Variants in PDP2 observed in about 807,000 individuals in gnomAD.
The protein encoded by PDP2 is [Pyruvate dehydrogenase [acetyl-transferring]]-phosphatase 2, mitochondrial.
A neutral mutation model predicts 34.2 loss-of-function variants in PDP2; 23 were observed. The ratio of observed to expected loss-of-function variants is 0.67; its 90% CI spans 0.48 to 0.95. The LOEUF is 0.95. PDP2 is among the 40% of genes least tolerant of loss of function. PDP2 has a pLI of 0.00. For missense variants in PDP2, 571 were observed against 659.6 expected, an observed-to-expected ratio of 0.87 and a Z score of 1.47; for synonymous variants, 275 against 269.2, an observed-to-expected ratio of 1.02 and a Z score of -0.21.
rs1243019928 is a variant in PDP2 at position 66,886,573 on chromosome 16, G to C, written c.*699G>C. ...TGATAGGATCTATGCCTCTGGACCA[G>C]CTGAACTTACTGGTGCAGCTTTTTG... On this transcript the variant is annotated 3_prime_UTR_variant, in exon 2 of 2. Coordinates refer to ENST00000311765, the MANE Select transcript of PDP2 (RefSeq NM_020786.4). 4.3e-6 allele frequency: 2 copies of C among 467,550 alleles called. No homozygotes were observed. Among genetic ancestry groups the C allele is most frequent in the African/African-American group, 4.0e-5 (2 of 50,044 alleles). 29.0% of individuals were successfully genotyped at this position (467,550 alleles called of 1,614,324 possible).
rs771021122 is a variant in PDP2, at chr16:66,888,418, A to G, written c.*2544A>G. ...TGTAAATCACTTCCATTCTGCTAGC[A>G]TGAGGGTTTGTTGCTAAAATTGAGG... On this transcript the variant is annotated 3_prime_UTR_variant, in exon 2 of 2. Transcript: ENST00000311765. 3 of 152,104 alleles carry G rather than the reference A, an allele frequency of 2.0e-5. No individual in the cohort carries two copies. Among genetic ancestry groups the G allele is most frequent in the African/African-American group, 7.2e-5 (3 of 41,416 alleles). 9.4% of individuals were successfully genotyped at this position (152,104 alleles called of 1,614,324 possible).
Position 66,888,466 on chromosome 16 carries a change from T to C in PDP2, c.*2592T>C, listed in dbSNP as rs1275503797. 1.3e-5 allele frequency: 2 copies of C among 152,158 alleles called. No individual in the cohort carries two copies. Among genetic ancestry groups the C allele is most frequent in the Non-Finnish European group, 1.5e-5 (1 of 68,030 alleles). The allele number at this position is 152,158 out of a possible 1,614,324, so 9.4% of individuals were successfully genotyped here. On this transcript the variant is annotated 3_prime_UTR_variant, in exon 2 of 2. Transcript: ENST00000311765. ...AGGATTCTATCTGACGTTTACTTTT[T>C]GTTGTTTTTTGAGACAAGGTCTTGC...
chr16:66,885,392 A>C lies in PDP2; in HGVS notation c.1108A>C (p.Thr370Pro). ...QRSILERGFN[T>P]EALNIYQFTP... Reference sequence around the variant, plus strand: ...CAGCATTCTGGAGAGGGGCTTCAATACCGAGGCCCTCAACATTTACCAGTT... The same window carrying C: ...CAGCATTCTGGAGAGGGGCTTCAATCCCGAGGCCCTCAACATTTACCAGTT... The change falls in exon 2 of 2, where the codon ACC (threonine) becomes CCC (proline). Residue 370 changes from threonine to proline, a missense_variant. This residue lies in a region of PDP2 where 281 missense variants were observed against 375.8 expected (regional missense o/e 0.75). Coordinates refer to ENST00000311765, the MANE Select transcript of PDP2 (RefSeq NM_020786.4). The surrounding 1 kb of genome is among the most constrained non-coding windows in gnomAD (Gnocchi z 4.6). The C allele has an allele frequency of 6.2e-7, 1 of 1,613,910 alleles. No homozygotes were observed. Among genetic ancestry groups the C allele is most frequent in the Non-Finnish European group, 8.5e-7 (1 of 1,180,008 alleles).
rs575688634 is a variant in PDP2, at chr16:66,884,173, CAAAAAAAAAA to C, written c.-54-47_-54-38del. On this transcript the variant is annotated intron_variant, in intron 1 of 1. Transcript: ENST00000311765. The stretch of plus-strand genomic sequence containing the variant: ...TGGGCGGCAGAGCGAGACTACGTCT[CAAAAAAAAAA>C]AAAAAAAAAAGAAATTAAATTTGAA... The C allele has an allele frequency of 2.2e-5, 14 of 642,542 alleles. No homozygotes were observed. In the Admixed American group the frequency reaches 4.1e-4, roughly 19 times the overall value. The allele number at this position is 642,542 out of a possible 1,614,324, so 39.8% of individuals were successfully genotyped here. A position where few individuals can be genotyped will look rare whatever the true frequency, so the allele number is the denominator to read the frequency against.
intron 1 of PDP2, among the ~76,000 whole-genome samples, chr16:66,881,782 G>A (rs1434562734): frequency 1.3e-5 from 2 of 152,090 alleles, no homozygotes; most frequent in African/African-American, 4.8e-5. Context: ...TTGGGCTCAA[G>A]CGATCCTCCC....
At position 66,884,539 on chromosome 16, in the gene PDP2, G is replaced by T; in HGVS notation, c.255G>T (p.Val85=). Residue 85 remains valine, a synonymous_variant, in exon 2 of 2, where the codon GTG becomes GTT. Transcript: ENST00000311765. ...TCAGCCCTGAGCAGATAAATGAAGTGCTTCGAGCTGGCGAGACAACCCACA... is the reference window on the plus strand; with the variant it reads ...TCAGCCCTGAGCAGATAAATGAAGTTCTTCGAGCTGGCGAGACAACCCACA... ...LQLSPEQINE[V]LRAGETTHKI... The T allele has an allele frequency of 3.1e-6, 5 of 1,614,222 alleles. No homozygotes were observed. The highest frequency in any genetic ancestry group is 3.4e-6 in the Non-Finnish European group (4 of 1,180,048).
rs1329030356 is a variant in PDP2 at position 66,887,991 on chromosome 16, G to GTCCGTCCTTCCTTCCT, written c.*2120_*2121insGTCCTTCCTTCCTTCC. 107 of 97,344 alleles carry GTCCGTCCTTCCTTCCT rather than the reference G, an allele frequency of 1.1e-3. No individual in the cohort carries two copies. The highest frequency in any genetic ancestry group is 2.0e-3 in the Non-Finnish European group (94 of 48,086). 6.0% of individuals were successfully genotyped at this position (97,344 alleles called of 1,614,324 possible). Reference sequence around the variant, plus strand: ...AAAAATCCATCTTATCTCTTAGTCCGTCCTTCCTTCCTTCCTTCCTTCCTT... The same window carrying GTCCGTCCTTCCTTCCT: ...AAAAATCCATCTTATCTCTTAGTCCGTCCGTCCTTCCTTCCTTCCTTCCTTCCTTCCTTCCTTCCTT... On this transcript the variant is annotated 3_prime_UTR_variant, in exon 2 of 2. Transcript: ENST00000311765.
rs942415908 is a variant in PDP2 at position 66,886,182 on chromosome 16, G to C, written c.*308G>C. ...AGATGTTGTTAAACTGTGTCAGCCTGAGCCTTCAAAGGGTAAATTTAATCA... is the reference window on the plus strand; with the variant it reads ...AGATGTTGTTAAACTGTGTCAGCCTCAGCCTTCAAAGGGTAAATTTAATCA... On this transcript the variant is annotated 3_prime_UTR_variant, in exon 2 of 2. Transcript: ENST00000311765. 3.2e-6 allele frequency: 1 copy of C among 316,462 alleles called. No homozygotes were observed. The highest frequency in any genetic ancestry group is 6.9e-5 in the East Asian group (1 of 14,428). 19.6% of individuals were successfully genotyped at this position (316,462 alleles called of 1,614,324 possible). A position where few individuals can be genotyped will look rare whatever the true frequency, so the allele number is the denominator to read the frequency against.
chr16:66,884,189 AAAAAG>A, intron 1 of PDP2, 37 bp from the exon 2 acceptor site: 1 of 1,240,772 alleles, frequency 8.1e-7, no homozygotes, highest in South Asian at 1.6e-5. Flanking sequence ...AAAAAAAAAA[AAAAAG>A]AAATTAAATT....
At chr16:66,881,434 TTTAATTTAATTTAA>T (rs1314283932) in intron 1 of PDP2, among the ~76,000 whole-genome samples, 6 of 91,310 alleles carry the variant, frequency 6.6e-5, no homozygotes, top group African/African-American at 4.6e-4. Context: ...TTTTTTTTAA[TTTAATTTAATTTAA>T]TTTAATTTAA....
Position 66,884,683 on chromosome 16 carries a change from T to C in PDP2, c.399T>C (p.Asn133=), listed in dbSNP as rs374786381. 2 of 1,614,080 alleles carry C rather than the reference T, an allele frequency of 1.2e-6. No homozygotes were observed. The highest frequency in any genetic ancestry group is 2.7e-5 in the African/African-American group (2 of 74,926). Residue 133 remains asparagine, a synonymous_variant, in exon 2 of 2, where the codon AAT becomes AAC. Transcript: ENST00000311765. ...RRGVASCLQT[N]GLMFGIFDGH... ...GTGTAGCCTCCTGCCTGCAAACCAA[T>C]GGACTGATGTTTGGCATCTTCGATG...
chr16:66,884,744 G>A lies in PDP2; in HGVS notation c.460G>A (p.Glu154Lys), dbSNP rs777750407. The change falls in exon 2 of 2, where the codon GAG (glutamate) becomes AAG (lysine). Residue 154 changes from glutamate to lysine, a missense_variant. Glu to Lys is a moderately conservative substitution (Grantham distance 56, BLOSUM62 1). Around this residue, in one of 2 missense-constraint regions of PDP2, gnomAD observed 290 missense variants for 283.8 expected, o/e 1.02. Transcript: ENST00000311765. ...TCATGCATGTGCCCAAGCAGTGAGC[G>A]AGAGGCTCTTCTACTATGTGGCAGT... is the stretch of plus-strand genomic sequence containing the variant. ...GGHACAQAVS[E>K]RLFYYVAVSL... 10 of 1,614,190 alleles carry A rather than the reference G, an allele frequency of 6.2e-6. No individual in the cohort carries two copies. Among genetic ancestry groups the A allele is most frequent in the East Asian group, 2.2e-5 (1 of 44,878 alleles).
In PDP2 at chr16:66,885,640, G is replaced by A. The variant is rs1203510863; in HGVS notation, c.1356G>A (p.Gln452=). The A allele has an allele frequency of 7.4e-6, 12 of 1,614,082 alleles. No individual in the cohort carries two copies. Among genetic ancestry groups the A allele is most frequent in the Non-Finnish European group, 1.0e-5 (12 of 1,180,018 alleles). The change falls in exon 2 of 2, where the codon CAG becomes CAA. Residue 452 remains glutamine (Q), a synonymous_variant. Transcript: ENST00000311765. The surrounding 1 kb of genome is among the most constrained non-coding windows in gnomAD (Gnocchi z 4.6). ...AQRPANLGLM[Q]SLLLQRKASG... ...GACCCGCCAACTTGGGGCTCATGCA[G>A]AGCCTGCTGCTGCAGAGGAAAGCCA...
chr16:66,885,475 C>T lies in PDP2; in HGVS notation c.1191C>T (p.Tyr397=). 6.2e-7 allele frequency: 1 copy of T among 1,614,002 alleles called. No individual in the cohort carries two copies. Among genetic ancestry groups the T allele is most frequent in the Non-Finnish European group, 8.5e-7 (1 of 1,180,038 alleles). ...TGACTGCTGAGCCTGAGGTCACATA[C>T]CACAGGCTGAGGCCCCAGGATAAGT... ...PYLTAEPEVT[Y]HRLRPQDKFL... is the part of the protein sequence containing the mutation. Residue 397 remains tyrosine (Y), a synonymous_variant, in exon 2 of 2, where the codon TAC becomes TAT. Coordinates refer to ENST00000311765, the MANE Select transcript of PDP2 (RefSeq NM_020786.4). This position sits in a 1 kb window ranked among gnomAD's most constrained non-coding sequence, Gnocchi z 4.6.
chr16:66,884,898 A>G lies in PDP2; in HGVS notation c.614A>G (p.His205Arg), dbSNP rs1297206659. 4 of 1,614,022 alleles carry G rather than the reference A, an allele frequency of 2.5e-6. No individual in the cohort carries two copies. The highest frequency in any genetic ancestry group is 2.7e-5 in the African/African-American group (2 of 74,930). Reference protein sequence around the residue: ...DSIYKDVTSVHLDHLRVYWQE... With the variant: ...DSIYKDVTSVRLDHLRVYWQE... ...ATCTACAAGGATGTCACATCTGTGC[A>G]TCTTGACCACCTCCGTGTCTATTGG... Residue 205 changes from histidine (H) to arginine (R), a missense_variant, in exon 2 of 2, where the codon CAT (histidine) becomes CGT (arginine). His to Arg is a conservative substitution (Grantham distance 29). This residue lies in a region of PDP2 where 290 missense variants were observed against 283.8 expected (regional missense o/e 1.02). Transcript: ENST00000311765.
intron 1 of PDP2, 108 bp from the exon 2 acceptor site, chr16:66,884,123 G>A: frequency 1.8e-6 from 1 of 555,728 alleles, no homozygotes; most frequent in South Asian, 2.4e-5. Context: ...GCAGTGAGCA[G>A]AGATCACACC....
At chr16:66,883,367 C>T (rs961146786) in intron 1 of PDP2, among the ~76,000 whole-genome samples, 4 of 152,090 alleles carry the variant, frequency 2.6e-5, no homozygotes, top group Admixed American at 2.6e-4. Context: ...CTCCTGAACT[C>T]GTGATCAGCC....
Position 66,887,665 on chromosome 16 carries a change from C to T in PDP2, c.*1791C>T, listed in dbSNP as rs544901840. On this transcript the variant is annotated 3_prime_UTR_variant, in exon 2 of 2. Transcript: ENST00000311765. Reference sequence around the variant, plus strand: ...TTTTATTCTGAAACCATTAATATTCCTTCTTGGCTGGGTGCAGTAGTTTAC... The same window carrying T: ...TTTTATTCTGAAACCATTAATATTCTTTCTTGGCTGGGTGCAGTAGTTTAC... The T allele has an allele frequency of 2.4e-5, 4 of 167,126 alleles. No individual in the cohort carries two copies. The South Asian group carries it at 8.3e-4, about 35-fold the overall frequency. 10.4% of individuals were successfully genotyped at this position (167,126 alleles called of 1,614,324 possible).
chr16:66,885,443 C>G lies in PDP2; in HGVS notation c.1159C>G (p.Pro387Ala). 1 of 1,613,880 alleles carries G rather than the reference C, an allele frequency of 6.2e-7. No individual in the cohort carries two copies. The highest frequency in any genetic ancestry group is 8.5e-7 in the Non-Finnish European group (1 of 1,180,026). Reference sequence around the variant, plus strand: ...CACACCCCCACACTACTACACTCCACCCTACCTGACTGCTGAGCCTGAGGT... The same window carrying G: ...CACACCCCCACACTACTACACTCCAGCCTACCTGACTGCTGAGCCTGAGGT... ...QFTPPHYYTP[P>A]YLTAEPEVTY... The change falls in exon 2 of 2, where the codon CCC becomes GCC. Residue 387 changes from proline to alanine, a missense_variant. Around this residue, in one of 2 missense-constraint regions of PDP2, gnomAD observed 281 missense variants for 375.8 expected, o/e 0.75. Coordinates refer to ENST00000311765, the MANE Select transcript of PDP2 (RefSeq NM_020786.4). The surrounding 1 kb of genome is among the most constrained non-coding windows in gnomAD (Gnocchi z 4.6).
Sources: allele counts gnomAD v4.1 joint callset (sites outside exome capture counted in the v4.1 genomes callset), GRCh38; gene constraint gnomAD v4.1.1; regional missense constraint gnomAD v4.1.1; non-coding constraint Gnocchi (gnomAD v3.1); transcripts MANE v1.5; gene names NCBI Gene and HGNC (gene_info 2026-07-23, HGNC 2026-07-21).